The following CSAG1 variants were observed in gnomAD, a reference collection of about 807,000 sequenced individuals.
CSAG1 encodes the protein chondrosarcoma associated gene 1.
Under a neutral mutation model 4.8 loss-of-function variants are expected in CSAG1, and 4 were observed. The observed-to-expected ratio is 0.83, with a 90% CI of 0.41 to 1.90. The LOEUF is 1.90. Among genes scored for constraint, CSAG1 ranks in the 40% most tolerant of loss-of-function variants. The probability of loss-of-function intolerance (pLI) is 0.03; values close to 1 mark genes in which losing one functional copy is unlikely to be tolerated. For missense variants in CSAG1, 69 were observed against 59.5 expected, an observed-to-expected ratio of 1.16 and a Z score of -0.53; for synonymous variants, 21 against 23.1, an observed-to-expected ratio of 0.91 and a Z score of 0.26.
intron 2 of CSAG1, among the ~76,000 whole-genome samples, chrX:152,731,013 T>A (rs1556228449): frequency 8.9e-6 from 1 of 112,717 alleles, no homozygotes; most frequent in Non-Finnish European, 1.9e-5. Context: ...TAGATATCAA[T>A]GCTATTGGGT....
intron 2 of CSAG1, among the ~76,000 whole-genome samples, 169 bp downstream of exon 2, chrX:152,732,276 C>T (rs1231694654): frequency 8.9e-6 from 1 of 112,162 alleles, no homozygotes; most frequent in Non-Finnish European, 1.9e-5. Flanking sequence ...GAATAGAAGT[C>T]TAATAAAAAT....
At chrX:152,730,692 C>T (rs1328756321) in intron 2 of CSAG1, among the ~76,000 whole-genome samples, 3 of 112,304 alleles carry the variant, frequency 2.7e-5, no homozygotes, top group East Asian at 2.8e-4. Context: ...GAAGCCCAAA[C>T]GGACTAAGAC....
At chrX:152,732,241 T>G (rs1391785109) in intron 2 of CSAG1, among the ~76,000 whole-genome samples, 1 of 112,313 alleles carries the variant, frequency 8.9e-6, no homozygotes, top group Non-Finnish European at 1.9e-5. Context: ...CCATTTGCAA[T>G]AGCAATAAAA....
chrX:152,731,738 C>T (rs1556228190), intron 2 of CSAG1, among the ~76,000 whole-genome samples: 1 of 100,000 alleles, frequency 1.0e-5, no homozygotes, highest in African/African-American at 3.5e-5. Context: ...AAAAAAAAAA[C>T]GGTTTCATTG....
At chrX:152,732,396 G>C (rs377221532) in intron 2 of CSAG1, 49 bp downstream of exon 2, 4 of 1,184,574 alleles carry the variant, frequency 3.4e-6, no homozygotes, top group Non-Finnish European at 4.5e-6. Flanking sequence ...GAACACAACA[G>C]TGTAAAAATG....
At position 152,728,102 on chromosome X, in the gene CSAG1, A is replaced by T; in HGVS notation, c.139T>A (p.Ser47Thr). The T allele has an allele frequency of 8.3e-7, 1 of 1,211,088 alleles. No homozygotes were observed. Among genetic ancestry groups the T allele is most frequent in the South Asian group, 1.8e-5 (1 of 56,913 alleles). The change falls in exon 3 of 4, where the codon TCC becomes ACC. Residue 47 changes from serine (S) to threonine (T), a missense_variant. Transcript: ENST00000452779. The stretch of plus-strand genomic sequence containing the variant: ...TTTGGTGTTGATGGGTGGTTGTTGG[A>T]AAATGGGCTGGAGGCTCGTGGTTTC... ...SRKPRASSPF[S>T]NNHPSTPKRF...
At chrX:152,733,588 C>T (rs1202178014) in intron 1 of CSAG1, 80 bp downstream of exon 1, 2 of 100,853 alleles carry the variant, frequency 2.0e-5, no homozygotes, top group Non-Finnish European at 4.1e-5. Context: ...CCCCAACTCC[C>T]CCAACCCCAC....
intron 1 of CSAG1, chrX:152,733,254 C>T (rs1556227584): frequency 9.0e-6 from 1 of 110,905 alleles, no homozygotes. Flanking sequence ...AATGCACAGA[C>T]GTTACAGAAA....
chrX:152,731,506 A>G (rs146989963), intron 2 of CSAG1, among the ~76,000 whole-genome samples: 61 of 111,565 alleles, frequency 5.5e-4, no homozygotes, highest in African/African-American at 1.9e-3. Flanking sequence ...TCTTATATCA[A>G]CTCTTCCAAA....
Position 152,727,790 on chromosome X carries a change from T to C in CSAG1, c.*4A>G. The C allele has an allele frequency of 8.3e-7, 1 of 1,210,014 alleles. No homozygotes were observed. Among genetic ancestry groups the C allele is most frequent in the Non-Finnish European group, 1.1e-6 (1 of 894,187 alleles). ...TCCTCAGGTTTTTTTGAAGCGGTGG[T>C]CTTTTAGGGAGAGCCTTTTGTTCCT... is the stretch of plus-strand genomic sequence containing the variant. On this transcript the variant is annotated 3_prime_UTR_variant, in exon 4 of 4. Transcript: ENST00000452779.
intron 2 of CSAG1, among the ~76,000 whole-genome samples, chrX:152,731,406 A>T (rs1932152366): frequency 8.9e-6 from 1 of 112,600 alleles, no homozygotes; most frequent in African/African-American, 3.2e-5. Flanking sequence ...AAACTGTACA[A>T]TATTCAAAGC....
At chrX:152,728,813 C>T (rs1932084312) in intron 2 of CSAG1, among the ~76,000 whole-genome samples, 1 of 108,322 alleles carries the variant, frequency 9.2e-6, no homozygotes, top group African/African-American at 3.3e-5. Context: ...AGAGAGCGCG[C>T]GAGAGAGACA....
chrX:152,731,130 T>A (rs1330627784), intron 2 of CSAG1, among the ~76,000 whole-genome samples: 1 of 112,153 alleles, frequency 8.9e-6, no homozygotes, highest in Non-Finnish European at 1.9e-5. Context: ...GAAGCTCATA[T>A]GCAGGTAGGC....
chrX:152,729,147 T>C (rs1373746925), intron 2 of CSAG1, among the ~76,000 whole-genome samples: 2 of 110,472 alleles, frequency 1.8e-5, no homozygotes, highest in Admixed American at 9.6e-5. Flanking sequence ...ACAAAAGGTG[T>C]CGGAACAATT....
intron 1 of CSAG1, chrX:152,732,899 T>TA (rs1214450721): frequency 9.9e-5 from 13 of 130,658 alleles, no homozygotes; most frequent in South Asian, 5.1e-4. Context: ...GAATTACGTT[T>TA]AAAAAAAAAT....
At chrX:152,732,651 G>A (rs1932185907) in intron 1 of CSAG1, 147 bp from the exon 2 acceptor site, 8 of 692,698 alleles carry the variant, frequency 1.2e-5, no homozygotes, top group Non-Finnish European at 1.7e-5. Context: ...GGTTAGAGGG[G>A]GTTAGCGGCA....
chrX:152,732,305 G>A, intron 2 of CSAG1, 140 bp downstream of exon 2: 1 of 788,599 alleles, frequency 1.3e-6, no homozygotes, highest in Non-Finnish European at 1.7e-6. Flanking sequence ...TGCTTATAGA[G>A]GCAACTATCG....
At chrX:152,733,642 AC>A (rs1370205604) in intron 1 of CSAG1, 25 bp downstream of exon 1, 5 of 84,239 alleles carry the variant, frequency 5.9e-5, no homozygotes, top group Admixed American at 1.5e-4. Context: ...CCCTACCCCT[AC>A]CCCCAACACC....
At position 152,728,160 on chromosome X, in the gene CSAG1, C is replaced by T; in HGVS notation, c.81G>A (p.Leu27=). The T allele has an allele frequency of 1.7e-6, 2 of 1,211,298 alleles. No homozygotes were observed. Among genetic ancestry groups the T allele is most frequent in the Non-Finnish European group, 2.2e-6 (2 of 895,288 alleles). ...ARGDQVDWSR[L]YRDTGLVKMS... is the part of the protein sequence containing the mutation. ...TCTTCACCAGACCAGTGTCTCTGTA[C>T]AGTCTACTCCAGTCCACCTGGTCTC... is the stretch of plus-strand genomic sequence containing the variant. The change falls in exon 3 of 4, where the codon CTG becomes CTA. Residue 27 remains leucine (L), a synonymous_variant. Transcript: ENST00000452779.
Sources: allele counts gnomAD v4.1 joint callset (sites outside exome capture counted in the v4.1 genomes callset), GRCh38; gene constraint gnomAD v4.1.1; transcripts MANE v1.5; gene names NCBI Gene and HGNC (gene_info 2026-07-23, HGNC 2026-07-21).